Variants in KCNT2 observed in about 807,000 individuals in gnomAD.
KCNT2 encodes potassium sodium-activated channel subfamily T member 2.
A neutral mutation model predicts 153.8 loss-of-function variants in KCNT2; 67 were observed. The ratio of observed to expected loss-of-function variants is 0.44; its 90% CI spans 0.36 to 0.53. KCNT2 has a LOEUF of 0.53. Among genes scored for constraint, KCNT2 ranks in the 20% least tolerant of loss-of-function variants. The pLI, the probability that KCNT2 is intolerant of heterozygous loss-of-function variation, is 0.00. For missense variants in KCNT2, 975 were observed against 1,354.8 expected (o/e 0.72, Z 4.40); for synonymous variants, 500 against 458.8 (o/e 1.09, Z -1.15).
At chr1:196,333,596 G>T (rs1307185719) in intron 17 of KCNT2, among the ~76,000 whole-genome samples, 1 of 152,006 alleles carries the variant, frequency 6.6e-6, no homozygotes, top group Non-Finnish European at 1.5e-5. Context: ...GAGGATAAAA[G>T]ATAATTAAGA....
intron 2 of KCNT2, 63 bp from the exon 3 acceptor site, chr1:196,490,000 A>G (rs1679738058): frequency 2.8e-6 from 2 of 712,380 alleles, no homozygotes; most frequent in Non-Finnish European, 4.7e-6. Flanking sequence ...ACTAAAAAGA[A>G]TTGTCAAAAA....
chr1:196,532,866 A>G (rs949513391), intron 1 of KCNT2, among the ~76,000 whole-genome samples: 3 of 152,078 alleles, frequency 2.0e-5, no homozygotes, highest in African/African-American at 7.2e-5. Flanking sequence ...AGGCACTGCA[A>G]TGAAACAAAG....
intron 9 of KCNT2, 77 bp from the exon 10 acceptor site, chr1:196,428,346 A>G (rs1387179656): frequency 9.8e-7 from 1 of 1,024,306 alleles, no homozygotes; most frequent in Non-Finnish European, 1.5e-6. Context: ...TCTATTGTTT[A>G]TTAGGTATTT....
chr1:196,495,057 T>C (rs1459571563), intron 1 of KCNT2, among the ~76,000 whole-genome samples: 1 of 152,082 alleles, frequency 6.6e-6, no homozygotes, highest in Non-Finnish European at 1.5e-5. Flanking sequence ...AATCTAATTA[T>C]CAAATTATGT....
At chr1:196,515,858 T>A (rs1682005593) in intron 1 of KCNT2, among the ~76,000 whole-genome samples, 2 of 151,878 alleles carry the variant, frequency 1.3e-5, no homozygotes, top group Admixed American at 1.3e-4. Flanking sequence ...CCCAGGGAAG[T>A]GGTGAGTAAG....
chr1:196,576,636 A>AT (rs1488924082), intron 1 of KCNT2, among the ~76,000 whole-genome samples: 1 of 152,140 alleles, frequency 6.6e-6, no homozygotes, highest in Non-Finnish European at 1.5e-5. Context: ...TACTGCCAAT[A>AT]TGTTCCTCAA....
intron 1 of KCNT2, among the ~76,000 whole-genome samples, chr1:196,597,762 C>A (rs963289809): frequency 6.6e-6 from 1 of 152,124 alleles, no homozygotes; most frequent in Non-Finnish European, 1.5e-5. Flanking sequence ...TCCTTATTAT[C>A]TTTTCATTCT....
At chr1:196,408,546 A>G (rs890954212) in intron 12 of KCNT2, among the ~76,000 whole-genome samples, 1 of 151,644 alleles carries the variant, frequency 6.6e-6, no homozygotes, top group Non-Finnish European at 1.5e-5. Flanking sequence ...AGATTTAAAG[A>G]TATAAATTTC....
intron 1 of KCNT2, among the ~76,000 whole-genome samples, chr1:196,544,542 GA>G (rs1478642716): frequency 6.6e-6 from 1 of 151,968 alleles, no homozygotes; most frequent in Non-Finnish European, 1.5e-5. Context: ...ATGCTCTTCT[GA>G]AAACAGGAGT....
intron 13 of KCNT2, among the ~76,000 whole-genome samples, chr1:196,392,189 G>A (rs144203984): frequency 7.3e-5 from 11 of 151,048 alleles, no homozygotes; most frequent in African/African-American, 2.7e-4. Context: ...AGAGAATATG[G>A]TTTTTTTTAA....
chr1:196,321,725 C>T (rs1265892529), intron 19 of KCNT2, among the ~76,000 whole-genome samples: 2 of 151,634 alleles, frequency 1.3e-5, no homozygotes, highest in African/African-American at 4.8e-5. Flanking sequence ...TCTATTATGC[C>T]GTATTCTTTG....
At chr1:196,246,563 C>T (rs1655464417) in intron 26 of KCNT2, among the ~76,000 whole-genome samples, 1 of 151,776 alleles carries the variant, frequency 6.6e-6, no homozygotes, top group Non-Finnish European at 1.5e-5. Context: ...ACAATTTTTC[C>T]AGTTTTCAGG....
intron 18 of KCNT2, among the ~76,000 whole-genome samples, chr1:196,328,717 A>G (rs947280708): frequency 1.3e-5 from 2 of 151,972 alleles, no homozygotes; most frequent in Admixed American, 1.3e-4. Flanking sequence ...AGACCAAAAT[A>G]AAAGGAAACC....
chr1:196,283,391 C>T lies in KCNT2; in HGVS notation c.2698-1035G>A, dbSNP rs899152530. Among the ~76,000 whole-genome samples the T allele has an allele frequency of 6.6e-5, 10 of 152,020 alleles. No homozygotes were observed. The East Asian group carries it at 1.4e-3, about 21-fold the overall frequency. On this transcript the variant is annotated intron_variant, in intron 23 of 27. Transcript: ENST00000294725. ...CAGAGCTTGCAGTGAGCCAAGACCA[C>T]GCCACTGCACTCCAGCCTGGGCAAC...
At chr1:196,386,661 A>T (rs1336048488) in intron 13 of KCNT2, among the ~76,000 whole-genome samples, 3 of 152,126 alleles carry the variant, frequency 2.0e-5, no homozygotes, top group Admixed American at 2.0e-4. Flanking sequence ...CCTACTAATC[A>T]TATTCATCTT....
chr1:196,348,961 A>G (rs527918077), intron 14 of KCNT2, among the ~76,000 whole-genome samples: 1 of 152,106 alleles, frequency 6.6e-6, no homozygotes, highest in Non-Finnish European at 1.5e-5. Flanking sequence ...AGGAAAGAAG[A>G]GAAAGAAAGA....
intron 13 of KCNT2, among the ~76,000 whole-genome samples, chr1:196,391,458 T>TA (rs1028206349): frequency 7.9e-5 from 12 of 151,356 alleles, no homozygotes; most frequent in African/African-American, 2.7e-4. Context: ...TGGCACTTTC[T>TA]AAAAAAATAA....
chr1:196,341,143 A>G (rs1665587326), intron 15 of KCNT2, among the ~76,000 whole-genome samples: 1 of 152,150 alleles, frequency 6.6e-6, no homozygotes, highest in Admixed American at 6.6e-5. Context: ...ACCCAGCATA[A>G]GTTGAAAATA....
intron 26 of KCNT2, among the ~76,000 whole-genome samples, chr1:196,237,655 A>G (rs1654564162): frequency 1.3e-5 from 2 of 151,822 alleles, no homozygotes; most frequent in African/African-American, 4.8e-5. Flanking sequence ...TTTTTAGAAT[A>G]AATGTATCCC....
Sources: gnomAD v4.1 joint callset for allele counts (sites outside exome capture counted in the v4.1 genomes callset) on GRCh38, gnomAD v4.1.1 for gene constraint, MANE v1.5 for transcripts, NCBI Gene and HGNC (gene_info 2026-07-23, HGNC 2026-07-21) for gene names.